The following IGFL2 variants were observed in gnomAD, a reference collection of about 807,000 sequenced individuals.
The protein encoded by IGFL2 is insulin growth factor-like family member 2.
IGFL2 carries 7 observed loss-of-function variants against 13.9 expected under a neutral mutation model. The ratio of observed to expected loss-of-function variants is 0.51; its 90% CI spans 0.29 to 0.95. IGFL2 has a LOEUF of 0.95. IGFL2 is among the 40% of genes least tolerant of loss of function. The pLI is 0.08. For synonymous variants in IGFL2, 55 were observed against 55.8 expected, an observed-to-expected ratio of 0.99 and a Z score of 0.07; for missense variants, 138 against 147.8, an observed-to-expected ratio of 0.93 and a Z score of 0.34.
the IGFL2 span, among the ~76,000 whole-genome samples, chr19:46,092,950 A>T: frequency 6.6e-6 from 1 of 152,252 alleles, no homozygotes; most frequent in Non-Finnish European, 1.5e-5. Context: ...TAACCAGAAA[A>T]GTGACAATTT....
the IGFL2 span, among the ~76,000 whole-genome samples, chr19:46,114,179 CCTGTTT>C: frequency 3.3e-5 from 5 of 152,184 alleles, no homozygotes; most frequent in African/African-American, 1.2e-4. Flanking sequence ...AATTTTTGTT[CCTGTTT>C]CTAACTTAGG....
At chr19:46,083,294 A>T in the IGFL2 span, among the ~76,000 whole-genome samples, 1 of 152,350 alleles carries the variant, frequency 6.6e-6, no homozygotes, top group South Asian at 2.1e-4. Context: ...ATCGTTTTCA[A>T]CAGAAGACTA....
At chr19:46,140,245 CTATA>C (rs10574851), upstream of IGFL2, among the ~76,000 whole-genome samples, 71,271 of 148,448 alleles carry the variant, frequency 0.48, 17,682 homozygotes, top group Middle Eastern at 0.57. Context: ...CACGCCCAGC[CTATA>C]TATATATATA....
At position 46,160,672 on chromosome 19, in the gene IGFL2, C is replaced by T. The variant is rs777653730; in HGVS notation, c.132C>T (p.Ile44=). Residue 44 remains isoleucine, a synonymous_variant, in exon 3 of 4, where the codon ATC becomes ATT. Coordinates refer to ENST00000377693, the MANE Select transcript of IGFL2 (RefSeq NM_001135113.2). ...CGGCACCCAGGTGTGGAGACAAGAT[C>T]TACAACCCCTTGGAGCAGTGCTGTT... is the stretch of plus-strand genomic sequence containing the variant. ...CQPAPRCGDK[I]YNPLEQCCYN... 6.2e-7 allele frequency: 1 copy of T among 1,614,198 alleles called. No homozygotes were observed. The highest frequency in any genetic ancestry group is 8.5e-7 in the Non-Finnish European group (1 of 1,180,022).
chr19:46,153,283 A>G (rs1480496153), intron 1 of IGFL2, among the ~76,000 whole-genome samples: 3 of 152,280 alleles, frequency 2.0e-5, no homozygotes, highest in African/African-American at 7.2e-5. Flanking sequence ...CTGGGTCTGG[A>G]TGGGCATTTC....
the IGFL2 span, among the ~76,000 whole-genome samples, chr19:46,092,741 A>AAAGT: frequency 1.5e-3 from 224 of 152,014 alleles, 1 homozygote; most frequent in African/African-American, 5.3e-3. Context: ...TCAGCCTCCC[A>AAAGT]AAGTGCCAGG....
chr19:46,107,784 A>G, the IGFL2 span, among the ~76,000 whole-genome samples: 3 of 152,310 alleles, frequency 2.0e-5, no homozygotes, highest in Admixed American at 2.0e-4. Context: ...AATAAAATGC[A>G]TATTGAGAAT....
chr19:46,088,113 G>T, the IGFL2 span, among the ~76,000 whole-genome samples: 2 of 152,172 alleles, frequency 1.3e-5, no homozygotes, highest in Non-Finnish European at 2.9e-5. Context: ...GGCTCGGCAG[G>T]CCACTTCACT....
At chr19:46,135,206 A>G in the IGFL2 span, among the ~76,000 whole-genome samples, 2 of 152,198 alleles carry the variant, frequency 1.3e-5, no homozygotes, top group Non-Finnish European at 2.9e-5. Flanking sequence ...ATATTGACTA[A>G]CACTATTAAT....
chr19:46,213,094 T>C, the IGFL2 span: 1 of 152,424 alleles, frequency 6.6e-6, no homozygotes, highest in South Asian at 2.1e-4. Flanking sequence ...GGGTTAGCAA[T>C]GTACCAAGGA....
At chr19:46,149,192 C>T (rs1265544166) in intron 1 of IGFL2, among the ~76,000 whole-genome samples, 1 of 146,424 alleles carries the variant, frequency 6.8e-6, no homozygotes, top group Admixed American at 6.7e-5. Flanking sequence ...CTCTCTTTCT[C>T]TCTCCCTCTC....
At chr19:46,096,451 T>A in the IGFL2 span, among the ~76,000 whole-genome samples, 1 of 152,154 alleles carries the variant, frequency 6.6e-6, no homozygotes, top group Admixed American at 6.5e-5. Flanking sequence ...AGTTATAGGA[T>A]CATGTCATCT....
chr19:46,100,619 A>G, the IGFL2 span, among the ~76,000 whole-genome samples: 2 of 152,184 alleles, frequency 1.3e-5, no homozygotes, highest in Admixed American at 1.3e-4. Flanking sequence ...AAGATAAGCT[A>G]TCAATTTGCA....
At chr19:46,127,691 TTAGA>T in the IGFL2 span, among the ~76,000 whole-genome samples, 3 of 152,166 alleles carry the variant, frequency 2.0e-5, no homozygotes, top group South Asian at 4.1e-4. Flanking sequence ...TGGTTGGATA[TTAGA>T]TAGATGTTAG....
At chr19:46,136,821 C>G in the IGFL2 span, 2 of 696,246 alleles carry the variant, frequency 2.9e-6, no homozygotes, top group Admixed American at 3.6e-5. Context: ...CTGAAATCCA[C>G]TAAAGTCCTG....
chr19:46,199,544 T>C, the IGFL2 span, among the ~76,000 whole-genome samples: 1 of 152,140 alleles, frequency 6.6e-6, no homozygotes, highest in Admixed American at 6.5e-5. Context: ...CCCTCCCCGC[T>C]TCCCAGCCTC....
downstream of IGFL2, among the ~76,000 whole-genome samples, chr19:46,165,467 G>T (rs571966569): frequency 6.6e-6 from 1 of 152,358 alleles, no homozygotes; most frequent in African/African-American, 2.4e-5. Context: ...GGAATGCCCA[G>T]ACACAGAGTG....
At chr19:46,107,134 G>A in the IGFL2 span, among the ~76,000 whole-genome samples, 4 of 152,238 alleles carry the variant, frequency 2.6e-5, no homozygotes, top group South Asian at 2.1e-4. Flanking sequence ...CAGCCTGGCC[G>A]TCAATACCCA....
At chr19:46,096,555 A>G in the IGFL2 span, among the ~76,000 whole-genome samples, 2 of 152,040 alleles carry the variant, frequency 1.3e-5, no homozygotes, top group Non-Finnish European at 2.9e-5. Flanking sequence ...TTCCAATACT[A>G]TGTTGAACAG....
Sources: gnomAD v4.1 joint callset for allele counts (sites outside exome capture counted in the v4.1 genomes callset) on GRCh38, gnomAD v4.1.1 for gene constraint, MANE v1.5 for transcripts, NCBI Gene and HGNC (gene_info 2026-07-23, HGNC 2026-07-21) for gene names.